The following DNAH17 variants were observed in gnomAD, a reference collection of about 807,000 sequenced individuals.
The protein encoded by DNAH17 is axonemal beta dynein heavy chain 17.
A neutral mutation model predicts 485.6 loss-of-function variants in DNAH17; 376 were observed. The observed-to-expected ratio is 0.77, with a 90% CI of 0.71 to 0.84. The LOEUF is 0.84. DNAH17 is among the 40% of genes least tolerant of loss of function. The pLI, the probability that DNAH17 is intolerant of heterozygous loss-of-function variation, is 0.00. For synonymous variants in DNAH17, 3,031 were observed against 2,405.9 expected, an observed-to-expected ratio of 1.26 and a Z score of -7.60; for missense variants, 6,370 against 5,839.3, an observed-to-expected ratio of 1.09 and a Z score of -2.96.
rs778004332 is a variant in DNAH17, at chr17:78,495,109, A to G, written c.5904-12T>C. ...CCATGGCACAGGGCCTGGGGAGGTC[A>G]GCGGTGCCTGTGGGCTTCTGCCCAC... On this transcript the variant is annotated splice_polypyrimidine_tract_variant and intron_variant, in intron 38 of 80. Coordinates refer to ENST00000389840, the MANE Select transcript of DNAH17 (RefSeq NM_173628.4). 11 of 1,594,566 alleles carry G rather than the reference A, an allele frequency of 6.9e-6. No individual in the cohort carries two copies. The highest frequency in any genetic ancestry group is 1.8e-4 in the Middle Eastern group (1 of 5,586).
intron 19 of DNAH17, among the ~76,000 whole-genome samples, chr17:78,534,954 C>T (rs1345280597): frequency 2.0e-5 from 3 of 152,164 alleles, no homozygotes; most frequent in Admixed American, 1.3e-4. Context: ...GGAAGTGGCC[C>T]TGGGACCCAG....
intron 70 of DNAH17, among the ~76,000 whole-genome samples, chr17:78,445,297 C>G (rs1478054483): frequency 1.3e-5 from 2 of 151,204 alleles, no homozygotes; most frequent in African/African-American, 4.9e-5. Flanking sequence ...TTCTGGCCCC[C>G]AGAGGATATC....
intron 25 of DNAH17, among the ~76,000 whole-genome samples, chr17:78,521,595 G>GA (rs2090936086): frequency 6.6e-6 from 1 of 151,922 alleles, no homozygotes; most frequent in African/African-American, 2.4e-5. Context: ...AAGCATAGGA[G>GA]AAAATCTTTA....
In DNAH17 at chr17:78,532,643, C is replaced by G. The variant is rs2091271722; in HGVS notation, c.2953G>C (p.Asp985His). The G allele has an allele frequency of 6.3e-6, 10 of 1,599,016 alleles. No individual in the cohort carries two copies. The highest frequency in any genetic ancestry group is 6.8e-6 in the Non-Finnish European group (8 of 1,172,286). The change falls in exon 20 of 81, where the codon GAT becomes CAT. Residue 985 changes from aspartate (D) to histidine (H), a missense_variant. Asp to His is a moderately conservative substitution (Grantham distance 81, BLOSUM62 -1). Transcript: ENST00000389840. ...AGGTAGGAGTACCTCTCAAAGGAAT[C>G]CTGGTACTCCTCGGCCTCCTTCATG... ...NAMKEAEEYQ[D>H]SFERYSYLWT...
chr17:78,479,252 G>A, intron 50 of DNAH17, 136 bp from the exon 51 acceptor site: 1 of 1,039,278 alleles, frequency 9.6e-7, no homozygotes, highest in Non-Finnish European at 1.4e-6. Context: ...TCTTTGAAGT[G>A]GGAGGGAATT....
intron 73 of DNAH17, 87 bp from the exon 74 acceptor site, chr17:78,437,955 G>T: frequency 9.8e-7 from 1 of 1,018,512 alleles, no homozygotes; most frequent in Non-Finnish European, 1.4e-6. Context: ...GTTCCCTGGT[G>T]AGGGCAGGGC....
At chr17:78,483,157 C>G (rs115053594) in intron 48 of DNAH17, among the ~76,000 whole-genome samples, 1 of 152,212 alleles carries the variant, frequency 6.6e-6, no homozygotes, top group African/African-American at 2.4e-5. Context: ...ATGTCAAACT[C>G]TCTCCAGGCT....
intron 25 of DNAH17, among the ~76,000 whole-genome samples, chr17:78,516,691 GAAAAAAAA>G (rs1168693263): frequency 1.1e-5 from 1 of 88,722 alleles, no homozygotes; most frequent in East Asian, 3.4e-4. Context: ...CTCCATCTCA[GAAAAAAAA>G]AAAAAAAAAA....
chr17:78,452,263 T>G (rs1179732653), intron 65 of DNAH17, among the ~76,000 whole-genome samples: 3 of 152,170 alleles, frequency 2.0e-5, no homozygotes, highest in African/African-American at 4.8e-5. Flanking sequence ...CTGTCAGCTC[T>G]GACATTTACA....
At chr17:78,445,301 G>A (rs1405628324) in intron 70 of DNAH17, among the ~76,000 whole-genome samples, 1 of 152,168 alleles carries the variant, frequency 6.6e-6, no homozygotes, top group African/African-American at 2.4e-5. Context: ...GGCCCCCAGA[G>A]GATATCACTC....
Position 78,476,721 on chromosome 17 carries a change from A to T in DNAH17, c.8005T>A (p.Ser2669Thr). Residue 2669 changes from serine to threonine, a missense_variant, in exon 52 of 81, where the codon TCC (serine) becomes ACC (threonine). Transcript: ENST00000389840. ...LSNIFQGLLFSTAEVLKTPLD... is the reference protein window; with the variant it reads ...LSNIFQGLLFTTAEVLKTPLD... Reference sequence around the variant, plus strand: ...GGGGTTTTCAGAACTTCTGCTGTGGAAAATAAGAGTCCCTGCCCCAAACAC... The same window carrying T: ...GGGGTTTTCAGAACTTCTGCTGTGGTAAATAAGAGTCCCTGCCCCAAACAC... The T allele has an allele frequency of 6.2e-7, 1 of 1,612,242 alleles. No homozygotes were observed.
Position 78,494,619 on chromosome 17 carries a change from G to A in DNAH17, c.6244C>T (p.Arg2082Trp), listed in dbSNP as rs374571840. Residue 2082 changes from arginine (R) to tryptophan (W), a missense_variant, in exon 40 of 81, where the codon CGG (arginine) becomes TGG (tryptophan). Transcript: ENST00000389840. ...GDLFPALDVP[R>W]KRDLNFEKII... is the part of the protein sequence containing the mutation. ...TTTTCAAAATTCAGGTCCCGTTTCC[G>A]AGGCACGTCCAGAGCCGGGAAGAGG... 6.2e-7 allele frequency: 1 copy of A among 1,613,830 alleles called. No individual in the cohort carries two copies. The highest frequency in any genetic ancestry group is 8.5e-7 in the Non-Finnish European group (1 of 1,179,892).
intron 22 of DNAH17, 126 bp from the exon 23 acceptor site, chr17:78,527,122 C>G: frequency 1.4e-6 from 1 of 716,726 alleles, no homozygotes; most frequent in South Asian, 2.0e-5. Context: ...GTGGCTCACA[C>G]CTGTAATCTC....
At chr17:78,452,387 G>A (rs1325029621) in intron 65 of DNAH17, among the ~76,000 whole-genome samples, 1 of 152,154 alleles carries the variant, frequency 6.6e-6, no homozygotes, top group Non-Finnish European at 1.5e-5. Context: ...AAATGATTCT[G>A]CCATCAAGAG....
chr17:78,444,497 T>G (rs1052169958), intron 71 of DNAH17, 107 bp downstream of exon 71: 7 of 1,116,270 alleles, frequency 6.3e-6, no homozygotes, highest in Non-Finnish European at 7.3e-6. Flanking sequence ...AGAAAAAAGT[T>G]CAGGGGATCA....
At chr17:78,431,789 G>A (rs990670394) in intron 75 of DNAH17, among the ~76,000 whole-genome samples, 14 of 152,128 alleles carry the variant, frequency 9.2e-5, no homozygotes, top group African/African-American at 1.7e-4. Flanking sequence ...TGTGGCAGCC[G>A]CTGATGTACA....
intron 71 of DNAH17, 81 bp downstream of exon 71, chr17:78,444,523 G>C: frequency 7.4e-7 from 1 of 1,351,460 alleles, no homozygotes; most frequent in South Asian, 1.5e-5. Flanking sequence ...AGTCCACAGA[G>C]AGTCTAGCAC....
intron 75 of DNAH17, among the ~76,000 whole-genome samples, chr17:78,429,685 A>AC (rs2086607130): frequency 6.6e-6 from 1 of 151,362 alleles, no homozygotes; most frequent in African/African-American, 2.4e-5. Context: ...TGCCTCTCCC[A>AC]CTCTGTGTTA....
At chr17:78,511,920 C>T (rs1048990016) in intron 26 of DNAH17, among the ~76,000 whole-genome samples, 1 of 152,246 alleles carries the variant, frequency 6.6e-6, no homozygotes, top group Non-Finnish European at 1.5e-5. Context: ...ACTCGAAAGG[C>T]ACCCCCAGGG....
Sources: allele counts gnomAD v4.1 joint callset (sites outside exome capture counted in the v4.1 genomes callset), GRCh38; gene constraint gnomAD v4.1.1; transcripts MANE v1.5; gene names NCBI Gene and HGNC (gene_info 2026-07-23, HGNC 2026-07-21).